Variants in SLC1A3 observed in about 807,000 individuals in gnomAD.
The protein encoded by SLC1A3 is excitatory amino acid transporter 1.
In SLC1A3, 21 loss-of-function variants were observed where a neutral mutation model predicts 48.1. The ratio of observed to expected loss-of-function variants is 0.44; its 90% confidence interval spans 0.31 to 0.63. The LOEUF (loss-of-function observed/expected upper bound fraction) is 0.63. SLC1A3 is among the 20% of genes least tolerant of loss of function. SLC1A3 has a pLI of 0.08. For synonymous variants in SLC1A3, 239 were observed against 251.4 expected, an observed-to-expected ratio of 0.95 and a Z score of 0.47; for missense variants, 546 against 689.0, an observed-to-expected ratio of 0.79 and a Z score of 2.32.
chr5:36,609,533 C>T (rs1739108973), intron 2 of SLC1A3, among the ~76,000 whole-genome samples: 1 of 152,140 alleles, frequency 6.6e-6, no homozygotes, highest in African/African-American at 2.4e-5. Context: ...TTTCCATCAA[C>T]TTTAAAGAGG....
At chr5:36,621,620 C>A (rs1739675062) in intron 2 of SLC1A3, among the ~76,000 whole-genome samples, 1 of 152,144 alleles carries the variant, frequency 6.6e-6, no homozygotes, top group South Asian at 2.1e-4. Context: ...GAGCCTTCTT[C>A]ATTTACAAAT....
chr5:36,675,669 C>T (rs893389767), intron 5 of SLC1A3, among the ~76,000 whole-genome samples: 2 of 152,074 alleles, frequency 1.3e-5, no homozygotes, highest in Admixed American at 1.3e-4. Flanking sequence ...TGCATAAGGA[C>T]CCAACGGAAT....
At chr5:36,608,105 G>A (rs1284922004) in intron 1 of SLC1A3, 7 of 275,446 alleles carry the variant, frequency 2.5e-5, no homozygotes, top group African/African-American at 1.3e-4. Flanking sequence ...GGGGAAGGAC[G>A]GATTTTTAAA....
At chr5:36,659,048 T>C (rs938379416) in intron 3 of SLC1A3, among the ~76,000 whole-genome samples, 10 of 152,130 alleles carry the variant, frequency 6.6e-5, no homozygotes, top group African/African-American at 2.4e-4. Context: ...CAGATTACTA[T>C]CACAATTCCA....
intron 3 of SLC1A3, among the ~76,000 whole-genome samples, chr5:36,647,814 A>C (rs1324496876): frequency 6.6e-6 from 1 of 152,214 alleles, no homozygotes; most frequent in Non-Finnish European, 1.5e-5. Flanking sequence ...TGTTTTTGAG[A>C]AAAGGCAAAA....
chr5:36,674,773 A>C (rs1181401557), intron 5 of SLC1A3, among the ~76,000 whole-genome samples: 1 of 152,160 alleles, frequency 6.6e-6, no homozygotes, highest in African/African-American at 2.4e-5. Flanking sequence ...GTTGACTCCA[A>C]ATTCTATCTG....
intron 3 of SLC1A3, among the ~76,000 whole-genome samples, chr5:36,630,629 T>C (rs1740099838): frequency 6.6e-6 from 1 of 152,246 alleles, no homozygotes; most frequent in Non-Finnish European, 1.5e-5. Context: ...AGGATATTTA[T>C]ACTATCCTTC....
chr5:36,682,320 T>C (rs1742470613), intron 8 of SLC1A3, among the ~76,000 whole-genome samples: 1 of 152,210 alleles, frequency 6.6e-6, no homozygotes. Context: ...TGTTTTGTGT[T>C]AGTAGAAAAT....
intron 3 of SLC1A3, among the ~76,000 whole-genome samples, chr5:36,650,666 A>G (rs764849410): frequency 2.0e-5 from 3 of 152,170 alleles, no homozygotes; most frequent in Non-Finnish European, 4.4e-5. Flanking sequence ...CTTTCCCCCA[A>G]ACCATTGGTT....
chr5:36,648,590 AC>A (rs2111836588), intron 3 of SLC1A3, among the ~76,000 whole-genome samples: 1 of 152,100 alleles, frequency 6.6e-6, no homozygotes, highest in African/African-American at 2.4e-5. Flanking sequence ...TTGTAGGATA[AC>A]CCCCCTGGCC....
intron 3 of SLC1A3, among the ~76,000 whole-genome samples, chr5:36,661,130 T>C (rs1184560105): frequency 6.6e-6 from 1 of 152,196 alleles, no homozygotes; most frequent in Non-Finnish European, 1.5e-5. Context: ...ATTTAAAAAA[T>C]AGACAAAGTG....
intron 1 of SLC1A3, among the ~76,000 whole-genome samples, chr5:36,600,402 G>T (rs764379493): frequency 6.6e-6 from 1 of 152,118 alleles, no homozygotes; most frequent in Non-Finnish European, 1.5e-5. Flanking sequence ...GCACCACTCA[G>T]GTCTCCTGAC....
intron 3 of SLC1A3, among the ~76,000 whole-genome samples, chr5:36,659,833 C>T (rs558598251): frequency 3.9e-5 from 6 of 152,202 alleles, no homozygotes; most frequent in Non-Finnish European, 5.9e-5. Flanking sequence ...AAAGAGTGCA[C>T]GAATAAGTGA....
At chr5:36,638,915 C>G (rs963083752) in intron 3 of SLC1A3, 4 of 152,208 alleles carry the variant, frequency 2.6e-5, no homozygotes, top group African/African-American at 9.7e-5. Flanking sequence ...ATCCACCCGT[C>G]TCGGCCTCCC....
At chr5:36,621,913 T>C (rs1181996912) in intron 2 of SLC1A3, among the ~76,000 whole-genome samples, 1 of 152,218 alleles carries the variant, frequency 6.6e-6, no homozygotes, top group East Asian at 1.9e-4. Flanking sequence ...TGTGATTATA[T>C]TACAATTATA....
chr5:36,607,207 A>C (rs1393188374), intron 1 of SLC1A3: 6 of 151,884 alleles, frequency 4.0e-5, no homozygotes, highest in African/African-American at 1.5e-4. Context: ...TTTTTCCTGC[A>C]CTGGGATTGC....
intron 7 of SLC1A3, 34 bp from the exon 8 acceptor site, chr5:36,680,361 A>G: frequency 2.0e-5 from 31 of 1,574,348 alleles, no homozygotes; most frequent in Non-Finnish European, 2.7e-5. Flanking sequence ...CTACCAGGAC[A>G]CTCAGCTGAT....
chr5:36,663,380 ATTTT>A (rs1156283585), intron 3 of SLC1A3, among the ~76,000 whole-genome samples: 60 of 69,324 alleles, frequency 8.7e-4, no homozygotes, highest in African/African-American at 3.0e-3. Flanking sequence ...CACGCCCGGC[ATTTT>A]TTTTTTTTTT....
chr5:36,630,227 T>G (rs1740084770), intron 3 of SLC1A3, among the ~76,000 whole-genome samples: 1 of 152,198 alleles, frequency 6.6e-6, no homozygotes, highest in Admixed American at 6.5e-5. Context: ...ACACTTGGAT[T>G]TTTAACAAGT....
Sources: allele counts gnomAD v4.1 joint callset (sites outside exome capture counted in the v4.1 genomes callset), GRCh38; gene constraint gnomAD v4.1.1; transcripts MANE v1.5; gene names NCBI Gene and HGNC (gene_info 2026-07-23, HGNC 2026-07-21).